ZC3H4: variants seen among roughly 807,000 people sequenced by gnomAD.
The protein encoded by ZC3H4 is zinc finger CCCH domain-containing protein 4.
ZC3H4 carries 13 observed loss-of-function variants against 108.3 expected under a neutral mutation model. The ratio of observed to expected loss-of-function variants is 0.12; its 90% CI spans 0.08 to 0.19. ZC3H4 has a LOEUF of 0.19. Among genes scored for constraint, ZC3H4 ranks in the 10% least tolerant of loss-of-function variants. The probability of loss-of-function intolerance (pLI) is 1.00; values close to 1 mark genes in which losing one functional copy is unlikely to be tolerated. For synonymous variants in ZC3H4, 917 were observed against 749.6 expected, an observed-to-expected ratio of 1.22 and a Z score of -3.65; for missense variants, 1,734 against 1,838.8, an observed-to-expected ratio of 0.94 and a Z score of 1.04.
At position 47,067,005 on chromosome 19, in the gene ZC3H4, G is replaced by C. The variant is rs575608102; in HGVS notation, c.3263C>G (p.Ser1088Cys). The C allele has an allele frequency of 3.8e-6, 6 of 1,592,618 alleles. No individual in the cohort carries two copies. The highest frequency in any genetic ancestry group is 1.3e-5 in the African/African-American group (1 of 74,390). Residue 1088 changes from serine to cysteine, a missense_variant, in exon 15 of 15, where the codon TCT becomes TGT. Ser to Cys is a moderately radical substitution (Grantham distance 112). This residue lies in a region of ZC3H4 where 518 missense variants were observed against 499.6 expected (regional missense o/e 1.04). Transcript: ENST00000253048. This position sits in a 1 kb window ranked among gnomAD's most constrained non-coding sequence, Gnocchi z 6.4. ...TDPRLQKPTD[S>C]TASSRAAKPG... ...CTTGGCAGCCCGGGAGGAGGCCGTA[G>C]AGTCTGTGGGTTTCTGCAGCCGAGG...
In ZC3H4 at chr19:47,072,025, GTGCATGTCAGGA is replaced by G. The variant is rs144210335; in HGVS notation, c.1887_1898del (p.Pro642_His645del). The G allele has an allele frequency of 5.0e-5, 79 of 1,589,822 alleles. No homozygotes were observed. Among genetic ancestry groups the G allele is most frequent in the African/African-American group, 2.7e-4 (20 of 74,508 alleles). On this transcript the variant is annotated inframe_deletion, in exon 13 of 15. Coordinates refer to ENST00000253048, the MANE Select transcript of ZC3H4 (RefSeq NM_015168.2). This position sits in a 1 kb window ranked among gnomAD's most constrained non-coding sequence, Gnocchi z 5.6. ...GGTGCATGTCCGGGTGCATGTCGGGGTGCATGTCAGGATGCATTGGACCGCCCATTGGCCCTG... is the reference window on the plus strand; with the variant it reads ...GGTGCATGTCCGGGTGCATGTCGGGGTGCATTGGACCGCCCATTGGCCCTG...
In ZC3H4 at chr19:47,071,817, C is replaced by T; in HGVS notation, c.2107G>A (p.Glu703Lys). ...AGTCCGGGCTCCATCTCCATGCCCT[C>T]CTGCTGCTGGTAGAAGTTTTCATAG... ...NFYENFYQQQ[E>K]GMEMEPGLLG... The change falls in exon 13 of 15, where the codon GAG becomes AAG. Residue 703 changes from glutamate to lysine, a missense_variant. Coordinates refer to ENST00000253048, the MANE Select transcript of ZC3H4 (RefSeq NM_015168.2). The T allele has an allele frequency of 6.2e-7, 1 of 1,613,474 alleles. No homozygotes were observed. The highest frequency in any genetic ancestry group is 2.2e-5 in the East Asian group (1 of 44,862).
intron 2 of ZC3H4, chr19:47,112,112 G>A (rs2058046984): frequency 9.4e-7 from 1 of 1,059,760 alleles, no homozygotes. Context: ...CAGGACAGGC[G>A]GACGGGCGCG....
intron 13 of ZC3H4, 90 bp downstream of exon 13, chr19:47,071,687 TG>T: frequency 7.2e-7 from 1 of 1,382,716 alleles, no homozygotes; most frequent in Non-Finnish European, 9.7e-7. Flanking sequence ...CAAAGAGACT[TG>T]GACGAAGGAA....
Position 47,081,582 on chromosome 19 carries a change from G to A in ZC3H4, c.1371C>T (p.Cys457=), listed in dbSNP as rs770655508. The change falls in exon 11 of 15, where the codon TGC becomes TGT. Residue 457 remains cysteine (C), a synonymous_variant. Coordinates refer to ENST00000253048, the MANE Select transcript of ZC3H4 (RefSeq NM_015168.2). ...PCKLYHTTGN[C]INGDDCMFSH... Reference sequence around the variant, plus strand: ...AAAACATGCAGTCGTCACCATTGATGCAGTTCCCAGTGGTGTGGTACAGCT... The same window carrying A: ...AAAACATGCAGTCGTCACCATTGATACAGTTCCCAGTGGTGTGGTACAGCT... 4 of 1,614,110 alleles carry A rather than the reference G, an allele frequency of 2.5e-6. No homozygotes were observed. The South Asian group carries it at 3.3e-5, about 13-fold the overall frequency.
At chr19:47,106,409 T>C (rs969750191) in intron 2 of ZC3H4, among the ~76,000 whole-genome samples, 7 of 152,138 alleles carry the variant, frequency 4.6e-5, no homozygotes, top group Admixed American at 2.6e-4. Flanking sequence ...TACTATGAGG[T>C]GCCACTGCAT....
At chr19:47,087,226 A>G (rs563311484) in intron 5 of ZC3H4, among the ~76,000 whole-genome samples, 1 of 151,896 alleles carries the variant, frequency 6.6e-6, no homozygotes, top group African/African-American at 2.4e-5. Flanking sequence ...CAGTAAGCTG[A>G]GAATGCGCCA....
chr19:47,073,362 G>A (rs546968462), intron 11 of ZC3H4, among the ~76,000 whole-genome samples: 1 of 152,190 alleles, frequency 6.6e-6, no homozygotes, highest in African/African-American at 2.4e-5. Flanking sequence ...CTGAGGTCAG[G>A]AGTTTGAGGC....
At chr19:47,079,215 G>A (rs998885514) in intron 11 of ZC3H4, among the ~76,000 whole-genome samples, 2 of 151,448 alleles carry the variant, frequency 1.3e-5, no homozygotes, top group African/African-American at 2.4e-5. Context: ...TTTTAGTAGA[G>A]ATGGGGTTTC....
intron 11 of ZC3H4, among the ~76,000 whole-genome samples, chr19:47,077,095 G>A (rs910100786): frequency 6.6e-6 from 1 of 152,058 alleles, no homozygotes; most frequent in East Asian, 1.9e-4. Context: ...GGGAGGCGGA[G>A]GTTGCAGTGA....
At chr19:47,102,786 T>C (rs1388576735) in intron 2 of ZC3H4, among the ~76,000 whole-genome samples, 3 of 131,698 alleles carry the variant, frequency 2.3e-5, no homozygotes, top group Non-Finnish European at 3.2e-5. Context: ...AAAAAAAAAA[T>C]AGGACTCATC....
chr19:47,068,823 T>A (rs1340456815), intron 14 of ZC3H4, among the ~76,000 whole-genome samples: 1 of 152,192 alleles, frequency 6.6e-6, no homozygotes, highest in Non-Finnish European at 1.5e-5. Flanking sequence ...GTCAATCCTG[T>A]TGGCCACTGT....
Position 47,072,080 on chromosome 19 carries a change from C to G in ZC3H4, c.1844G>C (p.Gly615Ala). ...PGGPPGPMGP[G>A]PNMGPPGPMG... ...TGGCCCTGGGGGTCCCATGTTGGGC[C>G]CAGGGCCCATTGGCCCTGGGGGTCC... The change falls in exon 13 of 15, where the codon GGG becomes GCG. Residue 615 changes from glycine (G) to alanine (A), a missense_variant. Coordinates refer to ENST00000253048, the MANE Select transcript of ZC3H4 (RefSeq NM_015168.2). This position sits in a 1 kb window ranked among gnomAD's most constrained non-coding sequence, Gnocchi z 5.6. 1 of 1,566,508 alleles carries G rather than the reference C, an allele frequency of 6.4e-7. No homozygotes were observed. Among genetic ancestry groups the G allele is most frequent in the Non-Finnish European group, 8.6e-7 (1 of 1,158,734 alleles).
chr19:47,094,439 G>A lies in ZC3H4; in HGVS notation c.331C>T (p.Arg111Trp). The A allele has an allele frequency of 6.2e-7, 1 of 1,614,012 alleles. No individual in the cohort carries two copies. The highest frequency in any genetic ancestry group is 8.5e-7 in the Non-Finnish European group (1 of 1,179,990). ...RRLKRKRKKEREKEKRRSKKR... is the reference protein window; with the variant it reads ...RRLKRKRKKEWEKEKRRSKKR... Reference sequence around the variant, plus strand: ...TTCGACCTCCTTTTCTCTTTCTCCCGCTCTTTCTTCCGTTTCCGCTTCAGT... The same window carrying A: ...TTCGACCTCCTTTTCTCTTTCTCCCACTCTTTCTTCCGTTTCCGCTTCAGT... Residue 111 changes from arginine (R) to tryptophan (W), a missense_variant, in exon 3 of 15, where the codon CGG (arginine) becomes TGG (tryptophan). Around this residue, in one of 9 missense-constraint regions of ZC3H4, gnomAD observed 403 missense variants for 457.0 expected, o/e 0.88. Transcript: ENST00000253048.
chr19:47,111,005 C>T lies in ZC3H4; in HGVS notation c.161+1419G>A, dbSNP rs1268248547. On this transcript the variant is annotated intron_variant, in intron 2 of 14. Transcript: ENST00000253048. ...GGAGGTGGGAGTGGGGAGAAGGGGT[C>T]GTACGTACAGCCTGGCAAGGGAAGC... 4 of 799,368 alleles carry T rather than the reference C, an allele frequency of 5.0e-6. No individual in the cohort carries two copies. In the African/African-American group the frequency reaches 5.6e-5, roughly 11 times the overall value. 49.5% of individuals were successfully genotyped at this position (799,368 alleles called of 1,614,324 possible).
rs1166851645 is a variant in ZC3H4, at chr19:47,065,380, A to C, written c.*976T>G. ...AGAACACTTGGCCAGGAGCCACCCC[A>C]GGGTCCCCATTGTTGGGGCCTGGCG... On this transcript the variant is annotated 3_prime_UTR_variant, in exon 15 of 15. Coordinates refer to ENST00000253048, the MANE Select transcript of ZC3H4 (RefSeq NM_015168.2). The C allele has an allele frequency of 6.5e-6, 1 of 152,688 alleles. No individual in the cohort carries two copies. Among genetic ancestry groups the C allele is most frequent in the Non-Finnish European group, 1.5e-5 (1 of 68,318 alleles). The allele number at this position is 152,688 out of a possible 1,614,324, so 9.5% of individuals were successfully genotyped here.
At chr19:47,070,065 C>T (rs903411190) in intron 13 of ZC3H4, among the ~76,000 whole-genome samples, 1 of 151,686 alleles carries the variant, frequency 6.6e-6, no homozygotes, top group African/African-American at 2.4e-5. Context: ...AGGGCAGGCT[C>T]GGCGACGCCT....
chr19:47,109,207 T>G (rs1278597257), intron 2 of ZC3H4, among the ~76,000 whole-genome samples: 1 of 152,128 alleles, frequency 6.6e-6, no homozygotes, highest in African/African-American at 2.4e-5. Flanking sequence ...AAAATACAGT[T>G]TTTGACTTAA....
At chr19:47,076,345 ACT>A (rs1555779446) in intron 11 of ZC3H4, among the ~76,000 whole-genome samples, 2 of 142,416 alleles carry the variant, frequency 1.4e-5, no homozygotes, top group African/African-American at 2.6e-5. Flanking sequence ...ACACACACAC[ACT>A]CACACTCTTA....
Sources: gnomAD v4.1 joint callset for allele counts (sites outside exome capture counted in the v4.1 genomes callset) on GRCh38, gnomAD v4.1.1 for gene constraint, gnomAD v4.1.1 regional missense constraint, Gnocchi (gnomAD v3.1) non-coding constraint, MANE v1.5 for transcripts, NCBI Gene and HGNC (gene_info 2026-07-23, HGNC 2026-07-21) for gene names.